Variants in PRTFDC1 observed in about 807,000 individuals in gnomAD.
PRTFDC1 encodes the protein phosphoribosyltransferase domain-containing protein 1.
In PRTFDC1, 38 loss-of-function variants were observed where a neutral mutation model predicts 34.6. That is an observed-to-expected ratio of 1.10 (90% CI 0.85 to 1.44). The LOEUF is 1.44. Among genes scored for constraint, PRTFDC1 ranks in the 40% most tolerant of loss-of-function variants. The pLI is 0.00. For synonymous variants in PRTFDC1, 93 were observed against 98.1 expected (o/e 0.95, Z 0.31); for missense variants, 270 against 283.0 (o/e 0.95, Z 0.33).
chr10:24,850,012 G>A, intron 8 of PRTFDC1, 121 bp from the exon 9 acceptor site: 2 of 914,580 alleles, frequency 2.2e-6, no homozygotes, highest in Non-Finnish European at 3.5e-6. Flanking sequence ...AAATAGAAAT[G>A]TGTGTATTTA....
intron 3 of PRTFDC1, among the ~76,000 whole-genome samples, chr10:24,881,847 T>A (rs1408023607): frequency 6.6e-6 from 1 of 152,112 alleles, no homozygotes; most frequent in African/African-American, 2.4e-5. Context: ...TTCTTGGTCT[T>A]GGCTGGGCAT....
chr10:24,849,723 T>C lies in PRTFDC1; in HGVS notation c.*121A>G, dbSNP rs561380839. The C allele has an allele frequency of 2.3e-6, 2 of 855,582 alleles. No individual in the cohort carries two copies. The highest frequency in any genetic ancestry group is 2.5e-5 in the East Asian group (1 of 40,284). 53.0% of individuals were successfully genotyped at this position (855,582 alleles called of 1,614,324 possible). Reference sequence around the variant, plus strand: ...AAAAGAAAGCTCTCTCATTTGAACATTTTTTTCTTTTATATCCTGCTGAGT... The same window carrying C: ...AAAAGAAAGCTCTCTCATTTGAACACTTTTTTCTTTTATATCCTGCTGAGT... On this transcript the variant is annotated 3_prime_UTR_variant, in exon 9 of 9. Coordinates refer to ENST00000320152, the MANE Select transcript of PRTFDC1 (RefSeq NM_020200.7).
intron 3 of PRTFDC1, among the ~76,000 whole-genome samples, chr10:24,913,719 T>C (rs1848658444): frequency 6.6e-6 from 1 of 152,220 alleles, no homozygotes. Context: ...AAGGCCACTT[T>C]GGCAATGATT....
chr10:24,899,205 C>T (rs1848414430), intron 3 of PRTFDC1, among the ~76,000 whole-genome samples: 1 of 152,134 alleles, frequency 6.6e-6, no homozygotes. Context: ...ACCGTTGGGG[C>T]AACTGAGGAA....
At chr10:24,934,214 A>AAAGAAGAAGAAGAAG (rs57514580) in intron 3 of PRTFDC1, among the ~76,000 whole-genome samples, 1 of 146,642 alleles carries the variant, frequency 6.8e-6, no homozygotes, top group Admixed American at 6.9e-5. Flanking sequence ...TACTGGACAC[A>AAAGAAGAAGAAGAAG]AAGAAGAAGA....
chr10:24,871,577 C>G (rs1458967761), intron 4 of PRTFDC1, among the ~76,000 whole-genome samples: 1 of 151,724 alleles, frequency 6.6e-6, no homozygotes, highest in Non-Finnish European at 1.5e-5. Context: ...TCTTCCCTCC[C>G]CAGATTTTGT....
intron 3 of PRTFDC1, among the ~76,000 whole-genome samples, chr10:24,892,193 C>T (rs1413977476): frequency 6.6e-6 from 1 of 152,044 alleles, no homozygotes; most frequent in African/African-American, 2.4e-5. Flanking sequence ...CATTATGTTG[C>T]CCAGGCTGAT....
intron 3 of PRTFDC1, among the ~76,000 whole-genome samples, chr10:24,890,248 T>C (rs1848237501): frequency 6.6e-6 from 1 of 152,206 alleles, no homozygotes; most frequent in Non-Finnish European, 1.5e-5. Flanking sequence ...CAGAAGCTAC[T>C]ATTGAGTACC....
In PRTFDC1 at chr10:24,939,793, CAAAAAAAAAA is replaced by C. The variant is rs55974992; in HGVS notation, c.156-2436_156-2427del. ...AGGGTGACAGAGTGAGACTCTATCT[CAAAAAAAAAA>C]AAAAAAAAAAAAGAAAAAGAAACTC... On this transcript the variant is annotated intron_variant, in intron 2 of 8. Transcript: ENST00000320152. Among the ~76,000 whole-genome samples the C allele has an allele frequency of 1.2e-3, 85 of 71,546 alleles. 1 individual carries two copies. In the East Asian group the frequency reaches 0.033, roughly 28 times the overall value. The allele number at this position is 71,546 out of a possible 152,430, so 46.9% of individuals were successfully genotyped here. A position where few individuals can be genotyped will look rare whatever the true frequency, so the allele number is the denominator to read the frequency against.
intron 3 of PRTFDC1, among the ~76,000 whole-genome samples, chr10:24,874,325 A>G (rs1344056987): frequency 1.3e-5 from 2 of 152,194 alleles, no homozygotes; most frequent in African/African-American, 4.8e-5. Context: ...AGTAGTCATG[A>G]CAGTGGTTAA....
intron 3 of PRTFDC1, among the ~76,000 whole-genome samples, chr10:24,882,215 A>AAAG (rs1848090352): frequency 6.8e-6 from 1 of 147,030 alleles, no homozygotes; most frequent in Non-Finnish European, 1.5e-5. Flanking sequence ...AAAAAAAAAA[A>AAAG]AAAAGAAAAG....
chr10:24,880,966 TTTCC>T (rs1253193399), intron 3 of PRTFDC1, among the ~76,000 whole-genome samples: 24 of 151,126 alleles, frequency 1.6e-4, no homozygotes, highest in Non-Finnish European at 7.4e-5. Flanking sequence ...TCTTTCTTTC[TTTCC>T]TTTCTTCCTC....
At chr10:24,905,232 G>A (rs1266225579) in intron 3 of PRTFDC1, among the ~76,000 whole-genome samples, 2 of 151,766 alleles carry the variant, frequency 1.3e-5, no homozygotes, top group East Asian at 3.9e-4. Context: ...CGGATTGCTT[G>A]AGCCTGGGAG....
intron 3 of PRTFDC1, among the ~76,000 whole-genome samples, chr10:24,895,687 G>GGATA (rs1555048830): frequency 1.2e-3 from 38 of 30,830 alleles, no homozygotes; most frequent in African/African-American, 3.8e-3. Context: ...GAGCTGGGGT[G>GGATA]GATATATATA....
intron 3 of PRTFDC1, among the ~76,000 whole-genome samples, chr10:24,919,963 T>G (rs1848757584): frequency 6.6e-6 from 1 of 151,904 alleles, no homozygotes; most frequent in Non-Finnish European, 1.5e-5. Flanking sequence ...TATCAAAAAG[T>G]CAAGAAACGA....
intron 4 of PRTFDC1, among the ~76,000 whole-genome samples, chr10:24,871,198 T>C (rs1482185628): frequency 6.6e-6 from 1 of 151,616 alleles, no homozygotes; most frequent in Non-Finnish European, 1.5e-5. Flanking sequence ...CAAGCACAAG[T>C]ATGAGAGATT....
Position 24,930,656 on chromosome 10 carries a change from A to C in PRTFDC1, c.339+6528T>G, listed in dbSNP as rs191560524. On this transcript the variant is annotated intron_variant, in intron 3 of 8. Transcript: ENST00000320152. ...TCTTGAGCTCTGGCGTGGAACTTTG[A>C]TTTAAATACTAGATCCACCACTTAC... 5.7e-4 allele frequency among the ~76,000 whole-genome samples: 87 copies of C among 152,192 alleles called. 1 individual carries two copies. Among genetic ancestry groups the C allele is most frequent in the Admixed American group, 1.7e-3 (26 of 15,278 alleles).
chr10:24,922,140 T>C (rs920885097), intron 3 of PRTFDC1, among the ~76,000 whole-genome samples: 1 of 152,228 alleles, frequency 6.6e-6, no homozygotes, highest in African/African-American at 2.4e-5. Flanking sequence ...GAATATGTAA[T>C]CTCAAAAAGA....
At chr10:24,908,383 C>A in intron 3 of PRTFDC1, 1 of 1,284,722 alleles carries the variant, frequency 7.8e-7, no homozygotes, top group Non-Finnish European at 1.1e-6. Context: ...AGAAGAAATA[C>A]ATCATCCAGC....
Sources: allele counts gnomAD v4.1 joint callset (sites outside exome capture counted in the v4.1 genomes callset), GRCh38; gene constraint gnomAD v4.1.1; transcripts MANE v1.5; gene names NCBI Gene and HGNC (gene_info 2026-07-23, HGNC 2026-07-21).